CEP164: variants seen among roughly 807,000 people sequenced by gnomAD.
CEP164 encodes the protein centrosomal protein 164.
A neutral mutation model predicts 182.7 loss-of-function variants in CEP164; 162 were observed. That is an observed-to-expected ratio of 0.89 (90% confidence interval 0.78 to 1.01). The LOEUF (loss-of-function observed/expected upper bound fraction) is 1.01, where lower values mean the gene tolerates loss of function less well. Ranked by LOEUF, CEP164 falls within the 50% of genes least tolerant of loss-of-function variation. The probability of loss-of-function intolerance (pLI) is 0.00; values close to 1 mark genes in which losing one functional copy is unlikely to be tolerated. For synonymous variants in CEP164, 661 were observed against 690.0 expected, an observed-to-expected ratio of 0.96 and a Z score of 0.66; for missense variants, 1,735 against 1,790.4, an observed-to-expected ratio of 0.97 and a Z score of 0.56.
At chr11:117,366,375 C>T (rs2041636261) in intron 8 of CEP164, among the ~76,000 whole-genome samples, 1 of 152,114 alleles carries the variant, frequency 6.6e-6, no homozygotes, top group Non-Finnish European at 1.5e-5. Context: ...CATGAGAGGG[C>T]AGTAGGATGG....
Position 117,382,865 on chromosome 11 carries a change from G to A in CEP164, c.1647G>A (p.Leu549=), listed in dbSNP as rs1248770335. Residue 549 remains leucine (L), a synonymous_variant, in exon 14 of 33, where the codon CTG becomes CTA. Transcript: ENST00000278935. ...AGCAGCATTCCCAGGCCGAGGAGCT[G>A]GGCCCTGGGCAGGAAGAGGCAGAGG... is the stretch of plus-strand genomic sequence containing the variant. ...GKEQHSQAEE[L]GPGQEEAEDP... 3.1e-6 allele frequency: 5 copies of A among 1,614,136 alleles called. No individual in the cohort carries two copies. The highest frequency in any genetic ancestry group is 3.4e-6 in the Non-Finnish European group (4 of 1,180,018).
At chr11:117,358,830 T>A (rs1026712538) in intron 5 of CEP164, among the ~76,000 whole-genome samples, 7 of 152,086 alleles carry the variant, frequency 4.6e-5, no homozygotes, top group Admixed American at 6.6e-5. Flanking sequence ...GGACCATGTA[T>A]GTCCTAGGCT....
intron 14 of CEP164, chr11:117,385,714 CTT>C (rs2136218840): frequency 6.6e-6 from 1 of 152,336 alleles, no homozygotes; most frequent in African/African-American, 2.4e-5. Flanking sequence ...AGCCACATGT[CTT>C]ATATATGCAT....
chr11:117,344,346 C>T lies in CEP164; in HGVS notation c.194+69C>T, dbSNP rs534738954. 1.5e-4 allele frequency: 162 copies of T among 1,070,136 alleles called. 1 individual carries two copies. The South Asian group carries it at 1.6e-3, about 11-fold the overall frequency. The allele number at this position is 1,070,136 out of a possible 1,614,324, so 66.3% of individuals were successfully genotyped here. A position where few individuals can be genotyped will look rare whatever the true frequency, so the allele number is the denominator to read the frequency against. On this transcript the variant is annotated intron_variant, in intron 4 of 32. Transcript: ENST00000278935. Reference sequence around the variant, plus strand: ...GCAGAGGGAAGCTAATACTGGAGATCGGTTTGAACTGGCCAGCTTTTCCAA... The same window carrying T: ...GCAGAGGGAAGCTAATACTGGAGATTGGTTTGAACTGGCCAGCTTTTCCAA...
chr11:117,322,076 A>T (rs1432607485), intron 1 of CEP164, among the ~76,000 whole-genome samples: 1 of 152,152 alleles, frequency 6.6e-6, no homozygotes, highest in Admixed American at 6.6e-5. Flanking sequence ...TATATGTTGC[A>T]TAATGATCAC....
Position 117,371,143 on chromosome 11 carries a change from G to T in CEP164, c.829G>T (p.Gly277Cys), listed in dbSNP as rs772164945. 4.3e-6 allele frequency: 7 copies of T among 1,612,728 alleles called. No individual in the cohort carries two copies. The change falls in exon 9 of 33, where the codon GGT (glycine) becomes TGT (cysteine). Residue 277 changes from glycine to cysteine, a missense_variant. Coordinates refer to ENST00000278935, the MANE Select transcript of CEP164 (RefSeq NM_014956.5). ...KDVSLDSDAA[G>C]PPTPCKPSSP... ...TGTTTCTCTGGATTCAGATGCTGCC[G>T]GTCCCCCTACTCCCTGCAAGCCCTC...
At chr11:117,410,027 T>C in intron 30 of CEP164, 62 bp downstream of exon 30, 2 of 1,430,852 alleles carry the variant, frequency 1.4e-6, no homozygotes, top group Non-Finnish European at 2.0e-6. Flanking sequence ...TCCTTCCTTT[T>C]CTTCTACCCT....
intron 27 of CEP164, among the ~76,000 whole-genome samples, chr11:117,399,327 G>A (rs2045884782): frequency 2.0e-5 from 3 of 152,070 alleles, no homozygotes; most frequent in Non-Finnish European, 4.4e-5. Context: ...CCTTTTTTAT[G>A]GCTGCATAGT....
At position 117,410,668 on chromosome 11, in the gene CEP164, AAAAAT is replaced by A. The variant is rs2047250388; in HGVS notation, c.4097-151_4097-147del. On this transcript the variant is annotated intron_variant, in intron 30 of 32. Coordinates refer to ENST00000278935, the MANE Select transcript of CEP164 (RefSeq NM_014956.5). Reference sequence around the variant, plus strand: ...CAAATTGAAAAGTAGATTAAGTTTTAAAAATAAAATAAATAGGACCATTCCTGTCT... The same window carrying A: ...CAAATTGAAAAGTAGATTAAGTTTTAAAAATAAATAGGACCATTCCTGTCT... 8 of 547,950 alleles carry A rather than the reference AAAAAT, an allele frequency of 1.5e-5. No homozygotes were observed. In the East Asian group the frequency reaches 1.7e-4, roughly 12 times the overall value. 33.9% of individuals were successfully genotyped at this position (547,950 alleles called of 1,614,324 possible). A position where few individuals can be genotyped will look rare whatever the true frequency, so the allele number is the denominator to read the frequency against.
chr11:117,394,314 C>T lies in CEP164; in HGVS notation c.2617-36C>T, dbSNP rs762014922. 3.5e-5 allele frequency: 54 copies of T among 1,564,198 alleles called. No individual in the cohort carries two copies. Among genetic ancestry groups the T allele is most frequent in the South Asian group, 3.4e-4 (29 of 85,248 alleles). ...TGATTTTTGTGGTAGAAGGGGCTGC[C>T]GCAGCTTCCCACCGGTGGGCCCACC... On this transcript the variant is annotated intron_variant, in intron 20 of 32. Coordinates refer to ENST00000278935, the MANE Select transcript of CEP164 (RefSeq NM_014956.5). The surrounding 1 kb of genome is among the most constrained non-coding windows in gnomAD (Gnocchi z 4.0).
At chr11:117,364,988 GC>G (rs1223917424) in intron 8 of CEP164, among the ~76,000 whole-genome samples, 2 of 152,176 alleles carry the variant, frequency 1.3e-5, no homozygotes, top group Non-Finnish European at 2.9e-5. Flanking sequence ...TCTGAGTGGG[GC>G]CTAGTCTGGA....
At chr11:117,337,908 C>T (rs1355270607) in intron 2 of CEP164, among the ~76,000 whole-genome samples, 3 of 152,140 alleles carry the variant, frequency 2.0e-5, no homozygotes, top group Non-Finnish European at 2.9e-5. Context: ...TGTTGGTATC[C>T]CCACTCTGGA....
chr11:117,322,955 G>A (rs993432796), upstream of CEP164, among the ~76,000 whole-genome samples: 2 of 151,832 alleles, frequency 1.3e-5, no homozygotes, highest in African/African-American at 2.4e-5. Flanking sequence ...TAGTAGAGAC[G>A]GGGTTTCACT....
intron 4 of CEP164, among the ~76,000 whole-genome samples, chr11:117,345,190 T>C (rs967941815): frequency 4.6e-5 from 7 of 152,156 alleles, no homozygotes; most frequent in African/African-American, 1.4e-4. Context: ...ACTCAGTGAT[T>C]CACTCAGTGG....
At position 117,392,901 on chromosome 11, in the gene CEP164, G is replaced by T. The variant is rs550074861; in HGVS notation, c.2494-103G>T. Reference sequence around the variant, plus strand: ...GTGATGTGCATGTGTTGTGTGTGTTGGGGGAGATTGGGGAAATGTGTGTAA... The same window carrying T: ...GTGATGTGCATGTGTTGTGTGTGTTTGGGGAGATTGGGGAAATGTGTGTAA... On this transcript the variant is annotated intron_variant, in intron 19 of 32. Coordinates refer to ENST00000278935, the MANE Select transcript of CEP164 (RefSeq NM_014956.5). The T allele has an allele frequency of 1.9e-5, 29 of 1,534,674 alleles. No individual in the cohort carries two copies. In the South Asian group the frequency reaches 2.9e-4, roughly 15 times the overall value.
intron 5 of CEP164, among the ~76,000 whole-genome samples, 190 bp from the exon 6 acceptor site, chr11:117,361,645 C>T (rs1385135895): frequency 6.6e-6 from 1 of 152,136 alleles, no homozygotes; most frequent in East Asian, 1.9e-4. Context: ...ATCAGGAAAC[C>T]AGCCTGTGAT....
chr11:117,338,510 C>T lies in CEP164; in HGVS notation c.-21-56C>T. ...CTCCATGACCCAGTGCCAACTTTTC[C>T]CCTGTTAAGCTTGGTCACTGATTTT... On this transcript the variant is annotated intron_variant, in intron 2 of 32. Coordinates refer to ENST00000278935, the MANE Select transcript of CEP164 (RefSeq NM_014956.5). The T allele has an allele frequency of 3.0e-6, 4 of 1,320,124 alleles. No homozygotes were observed. The South Asian group carries it at 3.5e-5, about 12-fold the overall frequency. 81.8% of individuals were successfully genotyped at this position (1,320,124 alleles called of 1,614,324 possible). A position where few individuals can be genotyped will look rare whatever the true frequency, so the allele number is the denominator to read the frequency against.
chr11:117,391,012 G>A lies in CEP164; in HGVS notation c.2080G>A (p.Ala694Thr). The A allele has an allele frequency of 6.2e-7, 1 of 1,614,128 alleles. No individual in the cohort carries two copies. The highest frequency in any genetic ancestry group is 8.5e-7 in the Non-Finnish European group (1 of 1,180,044). ...DEDQIRAEQE[A>T]SLQKLREELE... Reference sequence around the variant, plus strand: ...GTGTCCACCCAGGGCTGAGCAAGAGGCTTCCCTGCAGAAACTGAGAGAAGA... The same window carrying A: ...GTGTCCACCCAGGGCTGAGCAAGAGACTTCCCTGCAGAAACTGAGAGAAGA... Residue 694 changes from alanine (A) to threonine (T), a missense_variant, in exon 17 of 33, where the codon GCT becomes ACT. Physicochemically the swap from Ala to Thr is moderately conservative, Grantham distance 58. Coordinates refer to ENST00000278935, the MANE Select transcript of CEP164 (RefSeq NM_014956.5).
At chr11:117,350,703 A>C (rs1448590598) in intron 4 of CEP164, among the ~76,000 whole-genome samples, 1 of 151,944 alleles carries the variant, frequency 6.6e-6, no homozygotes, top group Non-Finnish European at 1.5e-5. Flanking sequence ...TTATATATTA[A>C]TTTTGGGATT....
Sources: allele counts gnomAD v4.1 joint callset (sites outside exome capture counted in the v4.1 genomes callset), GRCh38; gene constraint gnomAD v4.1.1; non-coding constraint Gnocchi (gnomAD v3.1); transcripts MANE v1.5; gene names NCBI Gene and HGNC (gene_info 2026-07-23, HGNC 2026-07-21).